The following MAOB variants were observed in gnomAD, a reference collection of about 807,000 sequenced individuals.
The protein encoded by MAOB is amine oxidase [flavin-containing] B.
Under a neutral mutation model 41.9 loss-of-function variants are expected in MAOB, and 15 were observed. The ratio of observed to expected loss-of-function variants is 0.36; its 90% CI spans 0.24 to 0.55. MAOB has a LOEUF of 0.55. MAOB is among the 20% of genes least tolerant of loss of function. The probability of loss-of-function intolerance (pLI) is 0.86; values close to 1 mark genes in which losing one functional copy is unlikely to be tolerated. For synonymous variants in MAOB, 167 were observed against 144.2 expected (o/e 1.16, Z -1.13); for missense variants, 345 against 398.7 (o/e 0.87, Z 1.15).
intron 1 of MAOB, among the ~76,000 whole-genome samples, chrX:43,881,566 C>A (rs2035473461): frequency 8.9e-6 from 1 of 112,151 alleles, no homozygotes; most frequent in South Asian, 3.7e-4. Context: ...CCCCGTGTGG[C>A]TGAGGGGGTA....
Position 43,866,273 on chromosome X carries a change from G to T in MAOB, c.46+15981C>A, listed in dbSNP as rs7058949. 6.8e-3 allele frequency among the ~76,000 whole-genome samples: 766 copies of T among 112,043 alleles called. 6 individuals carry two copies. Among genetic ancestry groups the T allele is most frequent in the African/African-American group, 0.023 (718 of 30,832 alleles). On this transcript the variant is annotated intron_variant, in intron 1 of 14. Transcript: ENST00000378069. The stretch of plus-strand genomic sequence containing the variant: ...CTCAGGAGGGCAGGAATGAGGTGAA[G>T]TTCGACAAATATTTAGCTTTGTCTT...
intron 1 of MAOB, among the ~76,000 whole-genome samples, chrX:43,879,091 C>A (rs1172107527): frequency 8.9e-6 from 1 of 111,885 alleles, no homozygotes; most frequent in Non-Finnish European, 1.9e-5. Context: ...ACAGATGCAA[C>A]GTGCTGCTGT....
chrX:43,769,070 T>A (rs182785125), intron 13 of MAOB, among the ~76,000 whole-genome samples: 2 of 112,030 alleles, frequency 1.8e-5, no homozygotes, highest in African/African-American at 6.5e-5. Flanking sequence ...TCAAGTATAG[T>A]CAGGTTGATC....
intron 9 of MAOB, 72 bp downstream of exon 9, chrX:43,781,376 C>A: frequency 1.7e-6 from 1 of 578,337 alleles, no homozygotes; most frequent in East Asian, 4.0e-5. Flanking sequence ...AAGTTTGGGG[C>A]ACATTTGTTA....
At chrX:43,812,290 G>A (rs2034758217) in intron 3 of MAOB, among the ~76,000 whole-genome samples, 1 of 112,474 alleles carries the variant, frequency 8.9e-6, no homozygotes, top group East Asian at 2.8e-4. Flanking sequence ...ATTGTGAACA[G>A]AGCTGCAACA....
At chrX:43,775,379 C>A in intron 11 of MAOB, 107 bp from the exon 12 acceptor site, 1 of 1,090,088 alleles carries the variant, frequency 9.2e-7, no homozygotes, top group Non-Finnish European at 1.2e-6. Context: ...CAATGTATTT[C>A]GGAAATAGAG....
chrX:43,811,355 G>T (rs943067972), intron 3 of MAOB, among the ~76,000 whole-genome samples: 1 of 111,299 alleles, frequency 9.0e-6, no homozygotes, highest in Non-Finnish European at 1.9e-5. Flanking sequence ...CTCAGATTCA[G>T]TTCCTGAGGA....
intron 4 of MAOB, among the ~76,000 whole-genome samples, chrX:43,802,946 G>GA (rs937027113): frequency 3.2e-4 from 36 of 110,879 alleles, no homozygotes; most frequent in African/African-American, 1.2e-3. Context: ...TAAAGTAAAA[G>GA]AAAAAAAATG....
intron 1 of MAOB, among the ~76,000 whole-genome samples, chrX:43,858,595 C>T (rs1273071753): frequency 9.1e-6 from 1 of 110,446 alleles, no homozygotes; most frequent in Non-Finnish European, 1.9e-5. Flanking sequence ...TAACCAGGCC[C>T]CAGGGTGTGT....
chrX:43,835,513 T>C (rs535443376), intron 3 of MAOB, among the ~76,000 whole-genome samples: 4 of 112,289 alleles, frequency 3.6e-5, no homozygotes, highest in African/African-American at 1.3e-4. Context: ...ATCTTTTATT[T>C]ATGAAGTTGT....
chrX:43,862,491 T>C (rs775593464), intron 1 of MAOB, among the ~76,000 whole-genome samples: 2 of 112,622 alleles, frequency 1.8e-5, no homozygotes, highest in African/African-American at 6.4e-5. Context: ...TCCACTGAGT[T>C]TCACTAAAGG....
At chrX:43,849,356 G>A (rs1042488236) in intron 1 of MAOB, among the ~76,000 whole-genome samples, 4 of 112,296 alleles carry the variant, frequency 3.6e-5, no homozygotes, top group South Asian at 3.7e-4. Flanking sequence ...TAACAAGCAC[G>A]CCAGCAGCCT....
In MAOB at chrX:43,775,167, T is replaced by C. The variant is rs764985791; in HGVS notation, c.1235+8A>G. ...TTTCTGTAACAGCTTAGCATGCTTT[T>C]ACTCTACCTTCCATATTGAGTCAGG... is the stretch of plus-strand genomic sequence containing the variant. On this transcript the variant is annotated splice_region_variant and intron_variant, in intron 12 of 14. Coordinates refer to ENST00000378069, the MANE Select transcript of MAOB (RefSeq NM_000898.5). 31 of 1,175,994 alleles carry C rather than the reference T, an allele frequency of 2.6e-5. No homozygotes were observed. The highest frequency in any genetic ancestry group is 2.3e-4 in the Middle Eastern group (1 of 4,276).
chrX:43,787,112 G>T (rs1382103043), intron 8 of MAOB, among the ~76,000 whole-genome samples: 39 of 106,199 alleles, frequency 3.7e-4, no homozygotes, highest in Non-Finnish European at 4.8e-4. Flanking sequence ...CTATGGGGGG[G>T]TGGGTAGGGG....
At chrX:43,815,030 C>T (rs1055039350) in intron 3 of MAOB, among the ~76,000 whole-genome samples, 4 of 111,402 alleles carry the variant, frequency 3.6e-5, no homozygotes, top group African/African-American at 1.3e-4. Flanking sequence ...GCATTGACCT[C>T]AAAGAATAAG....
chrX:43,769,439 G>A, intron 12 of MAOB, 21 bp from the exon 13 acceptor site: 1 of 1,199,552 alleles, frequency 8.3e-7, no homozygotes, highest in Non-Finnish European at 1.1e-6. Context: ...AACCAAAGAG[G>A]CAAAAGTGGT....
intron 8 of MAOB, among the ~76,000 whole-genome samples, chrX:43,786,924 G>A (rs1335116459): frequency 8.9e-6 from 1 of 111,793 alleles, no homozygotes; most frequent in Non-Finnish European, 1.9e-5. Context: ...GCCACTTGCA[G>A]ATAGAAAGCT....
At chrX:43,778,226 G>A (rs767198910) in intron 11 of MAOB, among the ~76,000 whole-genome samples, 1 of 110,879 alleles carries the variant, frequency 9.0e-6, no homozygotes, top group Non-Finnish European at 1.9e-5. Flanking sequence ...AGACAGTGGG[G>A]GATGGGGTAG....
intron 12 of MAOB, among the ~76,000 whole-genome samples, chrX:43,773,306 C>T (rs1437314207): frequency 8.9e-6 from 1 of 112,034 alleles, no homozygotes; most frequent in Non-Finnish European, 1.9e-5. Flanking sequence ...TCAGTGGTAA[C>T]ATTCTGAGTG....
Sources: gnomAD v4.1 joint callset for allele counts (sites outside exome capture counted in the v4.1 genomes callset) on GRCh38, gnomAD v4.1.1 for gene constraint, MANE v1.5 for transcripts, NCBI Gene and HGNC (gene_info 2026-07-23, HGNC 2026-07-21) for gene names.